The following SLC8A1 variants were observed in gnomAD, a reference collection of about 807,000 sequenced individuals.
SLC8A1 encodes the protein solute carrier family 8 member A1.
A neutral mutation model predicts 68.3 loss-of-function variants in SLC8A1; 18 were observed. That is an observed-to-expected ratio of 0.26 (90% CI 0.18 to 0.39). The LOEUF (loss-of-function observed/expected upper bound fraction) is 0.39. Ranked by LOEUF, SLC8A1 falls within the 10% of genes least tolerant of loss-of-function variation. The probability of loss-of-function intolerance (pLI) is 1.00; values close to 1 mark genes in which losing one functional copy is unlikely to be tolerated. For missense variants in SLC8A1, 985 were observed against 1,156.7 expected (o/e 0.85, Z 2.15); for synonymous variants, 475 against 415.5 (o/e 1.14, Z -1.74).
intron 2 of SLC8A1, among the ~76,000 whole-genome samples, chr2:40,341,493 C>T (rs1052946186): frequency 3.3e-5 from 5 of 152,076 alleles, no homozygotes; most frequent in South Asian, 2.1e-4. Context: ...TGAAAGAGTT[C>T]CTTCTGTGGC....
At chr2:40,437,874 G>T (rs916581142) in intron 1 of SLC8A1, among the ~76,000 whole-genome samples, 1 of 152,042 alleles carries the variant, frequency 6.6e-6, no homozygotes, top group Non-Finnish European at 1.5e-5. Flanking sequence ...TATCTCCAAA[G>T]GAGCTTGTAT....
At chr2:40,430,093 A>C (rs1697904401) in exon 2 of SLC8A1, 1 of 1,613,754 alleles carries the variant, frequency 6.2e-7, no homozygotes, top group African/African-American at 1.3e-5. Context: ...GGGTTCCCAA[A>C]TGGGCAAAAT....
intron 1 of SLC8A1, among the ~76,000 whole-genome samples, chr2:40,504,185 T>C (rs1372216850): frequency 6.6e-6 from 1 of 151,930 alleles, no homozygotes; most frequent in East Asian, 1.9e-4. Flanking sequence ...TTTTACAAAG[T>C]TGCCAAGAAC....
intron 2 of SLC8A1, among the ~76,000 whole-genome samples, chr2:40,331,014 A>C (rs2076352549): frequency 6.6e-6 from 1 of 152,222 alleles, no homozygotes; most frequent in African/African-American, 2.4e-5. Context: ...ATAAAATCTT[A>C]TGATAGGTTT....
chr2:40,354,350 A>G (rs1672041681), intron 2 of SLC8A1, among the ~76,000 whole-genome samples: 1 of 149,516 alleles, frequency 6.7e-6, no homozygotes. Context: ...GGCAGAAGGC[A>G]TTTTGTAATC....
At chr2:40,138,813 G>T (rs375946719) in intron 7 of SLC8A1, among the ~76,000 whole-genome samples, 1 of 152,150 alleles carries the variant, frequency 6.6e-6, no homozygotes, top group Admixed American at 6.5e-5. Flanking sequence ...AAAAAATTCA[G>T]CTTGTAAGGA....
intron 1 of SLC8A1, among the ~76,000 whole-genome samples, chr2:40,440,580 T>G (rs776852937): frequency 1.3e-5 from 2 of 152,152 alleles, no homozygotes; most frequent in Non-Finnish European, 2.9e-5. Context: ...CTTAAGGAAC[T>G]TATTACCTAG....
intron 2 of SLC8A1, among the ~76,000 whole-genome samples, chr2:40,405,406 T>C (rs1356125839): frequency 6.6e-6 from 1 of 152,220 alleles, no homozygotes; most frequent in African/African-American, 2.4e-5. Flanking sequence ...AGTGCATGAA[T>C]GTTTCCATAC....
At chr2:40,372,500 C>G (rs1047088965) in intron 2 of SLC8A1, among the ~76,000 whole-genome samples, 1 of 152,128 alleles carries the variant, frequency 6.6e-6, no homozygotes, top group Non-Finnish European at 1.5e-5. Flanking sequence ...CCATGGCAAA[C>G]ATCAAAAACA....
intron 6 of SLC8A1, among the ~76,000 whole-genome samples, chr2:40,152,839 G>A (rs911811189): frequency 2.0e-5 from 3 of 152,092 alleles, no homozygotes; most frequent in African/African-American, 7.2e-5. Context: ...GTGCCTGCCT[G>A]TAGTCCCAGC....
At chr2:40,403,824 G>A (rs999170526) in intron 2 of SLC8A1, among the ~76,000 whole-genome samples, 5 of 152,258 alleles carry the variant, frequency 3.3e-5, no homozygotes, top group South Asian at 2.1e-4. Context: ...CATTGTCTCC[G>A]AAGGCAAGAG....
At chr2:40,308,305 TCAGC>T (rs2073041096) in intron 2 of SLC8A1, among the ~76,000 whole-genome samples, 1 of 152,230 alleles carries the variant, frequency 6.6e-6, no homozygotes, top group East Asian at 1.9e-4. Flanking sequence ...ATCTGCATTC[TCAGC>T]CAATCACTAC....
chr2:40,122,573 T>G (rs1000506599), intron 7 of SLC8A1, among the ~76,000 whole-genome samples: 1 of 152,158 alleles, frequency 6.6e-6, no homozygotes, highest in Non-Finnish European at 1.5e-5. Context: ...GGACAACTTT[T>G]GAAAACATGA....
At chr2:40,160,547 T>C (rs1265088878) in intron 6 of SLC8A1, among the ~76,000 whole-genome samples, 1 of 152,182 alleles carries the variant, frequency 6.6e-6, no homozygotes, top group Non-Finnish European at 1.5e-5. Flanking sequence ...AAAGATGCAA[T>C]ATAGATGGAG....
At chr2:40,116,292 T>C (rs2035359044) in intron 7 of SLC8A1, among the ~76,000 whole-genome samples, 3 of 152,132 alleles carry the variant, frequency 2.0e-5, no homozygotes, top group Admixed American at 1.3e-4. Flanking sequence ...ACTGCATTGA[T>C]TGTGATGGTA....
At chr2:40,432,310 G>A (rs923803580) in intron 1 of SLC8A1, among the ~76,000 whole-genome samples, 8 of 151,080 alleles carry the variant, frequency 5.3e-5, no homozygotes, top group African/African-American at 1.7e-4. Flanking sequence ...AATGGTGGAG[G>A]AAACAAACAA....
chr2:40,352,864 G>A (rs1366649413), intron 2 of SLC8A1, among the ~76,000 whole-genome samples: 1 of 152,142 alleles, frequency 6.6e-6, no homozygotes, highest in East Asian at 1.9e-4. Context: ...GCTACTCCCT[G>A]TTCTCCAGTC....
intron 2 of SLC8A1, among the ~76,000 whole-genome samples, chr2:40,354,062 A>G (rs890625049): frequency 1.3e-5 from 2 of 152,200 alleles, no homozygotes; most frequent in African/African-American, 2.4e-5. Flanking sequence ...AGCCCCAGAA[A>G]TGGGGTTGCA....
At chr2:40,430,443 T>G (rs1698024974) in intron 1 of SLC8A1, 139 bp from the exon 2 acceptor site, 1 of 808,576 alleles carries the variant, frequency 1.2e-6, no homozygotes, top group African/African-American at 1.7e-5. Context: ...CGAAATTTGT[T>G]TATATTTGAC....
Sources: gnomAD v4.1 joint callset for allele counts (sites outside exome capture counted in the v4.1 genomes callset) on GRCh38, gnomAD v4.1.1 for gene constraint, MANE v1.5 for transcripts, NCBI Gene and HGNC (gene_info 2026-07-23, HGNC 2026-07-21) for gene names.